DIO1: variants seen among roughly 807,000 people sequenced by gnomAD.
DIO1 encodes the protein iodothyronine deiodinase 1, also known as type I iodothyronine deiodinase.
DIO1 carries 17 observed loss-of-function variants against 25.9 expected under a neutral mutation model. The ratio of observed to expected loss-of-function variants is 0.66; its 90% CI spans 0.45 to 0.98. The LOEUF (loss-of-function observed/expected upper bound fraction) is 0.98. Ranked by LOEUF, DIO1 falls within the 50% of genes least tolerant of loss-of-function variation. The pLI is 0.00. For missense variants in DIO1, 270 were observed against 310.4 expected, an observed-to-expected ratio of 0.87 and a Z score of 0.98; for synonymous variants, 115 against 114.0, an observed-to-expected ratio of 1.01 and a Z score of -0.05.
At chr1:53,908,950 C>A (rs1651795825) in intron 3 of DIO1, among the ~76,000 whole-genome samples, 1 of 151,906 alleles carries the variant, frequency 6.6e-6, no homozygotes, top group Non-Finnish European at 1.5e-5. Flanking sequence ...AAAAATTAGC[C>A]AGGCGTGGTG....
intron 1 of DIO1, among the ~76,000 whole-genome samples, chr1:53,895,175 G>A (rs564931880): frequency 5.3e-5 from 8 of 152,202 alleles, no homozygotes; most frequent in East Asian, 1.9e-4. Context: ...CTGTAATCCC[G>A]GCACTTTGGG....
Position 53,894,517 on chromosome 1 carries a change from C to T in DIO1, c.307C>T (p.Gln103Ter). 6.2e-7 allele frequency: 1 copy of T among 1,613,976 alleles called. No homozygotes were observed. Among genetic ancestry groups the T allele is most frequent in the African/African-American group, 1.3e-5 (1 of 74,986 alleles). The change falls in exon 1 of 4, where the codon CAG (glutamine) becomes TAG (stop). Residue 103 changes from glutamine to a stop codon, truncating the protein, a stop_gained. Transcript: ENST00000361921. LOFTEE classifies it high-confidence loss of function. The surrounding 1 kb of genome is among the most constrained non-coding windows in gnomAD (Gnocchi z 4.9). ...PNCPVVRLSG[Q>*]RCNIWEFMQG... is the part of the protein sequence containing the mutation. ...CTGCCCGGTGGTCCGCCTCTCAGGA[C>T]AGAGGTGCAACATTTGGGAGTTTAT... is the stretch of plus-strand genomic sequence containing the variant.
intron 1 of DIO1, among the ~76,000 whole-genome samples, chr1:53,898,131 C>T (rs1245181698): frequency 6.6e-6 from 1 of 152,100 alleles, no homozygotes; most frequent in African/African-American, 2.4e-5. Flanking sequence ...CAAGGGAAAG[C>T]TTCCTGGAGG....
chr1:53,902,201 T>C (rs935019234), intron 1 of DIO1, among the ~76,000 whole-genome samples: 1 of 151,784 alleles, frequency 6.6e-6, no homozygotes, highest in Non-Finnish European at 1.5e-5. Flanking sequence ...TTCTCTCCTG[T>C]TTTTCATTTC....
Position 53,909,919 on chromosome 1 carries a change from T to A in DIO1, c.682-12T>A. On this transcript the variant is annotated splice_polypyrimidine_tract_variant and intron_variant, in intron 3 of 3. Transcript: ENST00000361921. ...TTACAAGTTGGGAATGCCTGATTCG[T>A]TTCTCTTGCAGGGTAAATCTGGCCC... 1 of 1,614,004 alleles carries A rather than the reference T, an allele frequency of 6.2e-7. No homozygotes were observed. Among genetic ancestry groups the A allele is most frequent in the Non-Finnish European group, 8.5e-7 (1 of 1,179,878 alleles).
intron 1 of DIO1, among the ~76,000 whole-genome samples, chr1:53,896,712 G>A (rs539815623): frequency 3.9e-5 from 6 of 152,248 alleles, no homozygotes; most frequent in Admixed American, 3.9e-4. Context: ...ACAGATGGAG[G>A]TAATAAACAA....
At position 53,896,418 on chromosome 1, in the gene DIO1, A is replaced by C. The variant is rs1651083779; in HGVS notation, c.337+1871A>C. Among the ~76,000 whole-genome samples the C allele has an allele frequency of 2.0e-5, 3 of 151,916 alleles. No homozygotes were observed. The South Asian group carries it at 6.3e-4, about 32-fold the overall frequency. On this transcript the variant is annotated intron_variant, in intron 1 of 3. Transcript: ENST00000361921. ...TTTTTTGTAGAGGTGGGGTTTCACC[A>C]TGTTGCCCAGGCTGGTCTCGAACTC...
At chr1:53,903,933 C>A in intron 1 of DIO1, among the ~76,000 whole-genome samples, 1 of 151,878 alleles carries the variant, frequency 6.6e-6, no homozygotes, top group Non-Finnish European at 1.5e-5. Flanking sequence ...TTTCATTTGG[C>A]GGCAGGCCCA....
chr1:53,904,580 C>A, intron 1 of DIO1, 86 bp from the exon 2 acceptor site: 1 of 1,510,358 alleles, frequency 6.6e-7, no homozygotes, highest in Non-Finnish European at 9.0e-7. Flanking sequence ...ATAAAAATAA[C>A]AGAATTGAAC....
Position 53,894,649 on chromosome 1 carries a change from T to A in DIO1, c.337+102T>A, listed in dbSNP as rs1328632509. 1.8e-6 allele frequency: 2 copies of A among 1,118,762 alleles called. No individual in the cohort carries two copies. The highest frequency in any genetic ancestry group is 3.1e-5 in the African/African-American group (2 of 64,022). The allele number at this position is 1,118,762 out of a possible 1,614,324, so 69.3% of individuals were successfully genotyped here. ...TCCTGAATTCTCCTACTACTTTTGC[T>A]GCTCCTTTTGGACCTTCTTGTCCTC... On this transcript the variant is annotated intron_variant, in intron 1 of 3. Transcript: ENST00000361921. This position sits in a 1 kb window ranked among gnomAD's most constrained non-coding sequence, Gnocchi z 4.9.
chr1:53,903,752 G>A (rs1481448256), intron 1 of DIO1, among the ~76,000 whole-genome samples: 1 of 151,916 alleles, frequency 6.6e-6, no homozygotes, highest in Non-Finnish European at 1.5e-5. Context: ...AGGAGGCTGA[G>A]GCAGGAGAAT....
Position 53,894,677 on chromosome 1 carries a change from C to T in DIO1, c.337+130C>T, listed in dbSNP as rs1396919020. ...TCCTTTTGGACCTTCTTGTCCTCTT[C>T]CTGCTTCCTGAAACTAGAACTTCTT... On this transcript the variant is annotated intron_variant, in intron 1 of 3. Coordinates refer to ENST00000361921, the MANE Select transcript of DIO1 (RefSeq NM_000792.7). The surrounding 1 kb of genome is among the most constrained non-coding windows in gnomAD (Gnocchi z 4.9). 1.2e-6 allele frequency: 1 copy of T among 817,746 alleles called. No individual in the cohort carries two copies. Among genetic ancestry groups the T allele is most frequent in the Non-Finnish European group, 1.9e-6 (1 of 535,376 alleles). The allele number at this position is 817,746 out of a possible 1,614,324, so 50.7% of individuals were successfully genotyped here.
chr1:53,909,513 C>G (rs141845964), intron 3 of DIO1, among the ~76,000 whole-genome samples: 1 of 152,186 alleles, frequency 6.6e-6, no homozygotes, highest in African/African-American at 2.4e-5. Context: ...GTGGCAGCTG[C>G]CCAGGCTGTA....
chr1:53,896,594 C>T (rs908284032), intron 1 of DIO1, among the ~76,000 whole-genome samples: 1 of 152,268 alleles, frequency 6.6e-6, no homozygotes, highest in South Asian at 2.1e-4. Context: ...GTTGCCTGGT[C>T]AAAGTAGTTG....
Position 53,894,604 on chromosome 1 carries a change from T to G in DIO1, c.337+57T>G. 1 of 1,480,836 alleles carries G rather than the reference T, an allele frequency of 6.8e-7. No homozygotes were observed. Among genetic ancestry groups the G allele is most frequent in the Non-Finnish European group, 9.2e-7 (1 of 1,091,870 alleles). The allele number at this position is 1,480,836 out of a possible 1,614,324, so 91.7% of individuals were successfully genotyped here. A position where few individuals can be genotyped will look rare whatever the true frequency, so the allele number is the denominator to read the frequency against. On this transcript the variant is annotated intron_variant, in intron 1 of 3. Coordinates refer to ENST00000361921, the MANE Select transcript of DIO1 (RefSeq NM_000792.7). This position sits in a 1 kb window ranked among gnomAD's most constrained non-coding sequence, Gnocchi z 4.9. ...TTGAAATAGCAGTGGTAGAGGGGGA[T>G]GAAGAGATGGGTTGGAAAGTCCTGA...
At chr1:53,901,654 C>T (rs1651376303) in intron 1 of DIO1, among the ~76,000 whole-genome samples, 1 of 152,122 alleles carries the variant, frequency 6.6e-6, no homozygotes, top group Admixed American at 6.5e-5. Flanking sequence ...AGGCTGGGCA[C>T]ACTGTTTCAT....
chr1:53,906,134 A>T lies in DIO1; in HGVS notation c.521A>T (p.His174Leu). ...AFKNNMDIRN[H>L]QNLQDRLQAA... is the part of the protein sequence containing the mutation. ...AAGAACAACATGGACATCAGAAATCACCAGAACCTTCAGGATCGCCTGCAG... is the reference window on the plus strand; with the variant it reads ...AAGAACAACATGGACATCAGAAATCTCCAGAACCTTCAGGATCGCCTGCAG... Residue 174 changes from histidine (H) to leucine (L), a missense_variant, in exon 3 of 4, where the codon CAC (histidine) becomes CTC (leucine). Coordinates refer to ENST00000361921, the MANE Select transcript of DIO1 (RefSeq NM_000792.7). 6.2e-7 allele frequency: 1 copy of T among 1,614,204 alleles called. No individual in the cohort carries two copies. Among genetic ancestry groups the T allele is most frequent in the Non-Finnish European group, 8.5e-7 (1 of 1,180,032 alleles).
In DIO1 at chr1:53,911,062, A is replaced by G. The variant is rs2100788714; in HGVS notation, c.*1063A>G. 1 of 152,828 alleles carries G rather than the reference A, an allele frequency of 6.5e-6. No homozygotes were observed. Among genetic ancestry groups the G allele is most frequent in the East Asian group, 1.9e-4 (1 of 5,192 alleles). The allele number at this position is 152,828 out of a possible 1,614,324, so 9.5% of individuals were successfully genotyped here. A position where few individuals can be genotyped will look rare whatever the true frequency, so the allele number is the denominator to read the frequency against. On this transcript the variant is annotated 3_prime_UTR_variant, in exon 4 of 4. Transcript: ENST00000361921. The stretch of plus-strand genomic sequence containing the variant: ...TTATAAGATGCAGTAAACTAATAAC[A>G]GAATTATTAAAATATATCAGGCTAT...
chr1:53,898,513 G>A (rs1651194545), intron 1 of DIO1, among the ~76,000 whole-genome samples: 1 of 152,114 alleles, frequency 6.6e-6, no homozygotes, highest in African/African-American at 2.4e-5. Context: ...GGGAGGCCGA[G>A]GCCAGCGGGT....
Sources: allele counts gnomAD v4.1 joint callset (sites outside exome capture counted in the v4.1 genomes callset), GRCh38; gene constraint gnomAD v4.1.1; non-coding constraint Gnocchi (gnomAD v3.1); transcripts MANE v1.5; gene names NCBI Gene and HGNC (gene_info 2026-07-23, HGNC 2026-07-21).